The following FOXP4 variants were observed in gnomAD, a reference collection of about 807,000 sequenced individuals.
The protein encoded by FOXP4 is forkhead box P4, also known as forkhead box protein P4.
In FOXP4, 25 loss-of-function variants were observed where a neutral mutation model predicts 82.6. The ratio of observed to expected loss-of-function variants is 0.30; its 90% CI spans 0.22 to 0.42. FOXP4 has a LOEUF of 0.42. Among genes scored for constraint, FOXP4 ranks in the 10% least tolerant of loss-of-function variants. The pLI is 1.00. For synonymous variants in FOXP4, 415 were observed against 388.2 expected, an observed-to-expected ratio of 1.07 and a Z score of -0.81; for missense variants, 785 against 900.9, an observed-to-expected ratio of 0.87 and a Z score of 1.65.
At chr6:41,561,026 G>A (rs571198484) in intron 1 of FOXP4, among the ~76,000 whole-genome samples, 2 of 152,336 alleles carry the variant, frequency 1.3e-5, no homozygotes, top group Admixed American at 6.5e-5. Flanking sequence ...TTCCAAGGGC[G>A]TCCCTCGTTG....
In FOXP4 at chr6:41,601,818, G is replaced by A. The variant is rs1053732478; in HGVS notation, c.*2882G>A. 3.3e-5 allele frequency: 5 copies of A among 152,340 alleles called. No homozygotes were observed. Among genetic ancestry groups the A allele is most frequent in the African/African-American group, 9.6e-5 (4 of 41,554 alleles). The allele number at this position is 152,340 out of a possible 1,614,324, so 9.4% of individuals were successfully genotyped here. On this transcript the variant is annotated 3_prime_UTR_variant, in exon 17 of 17. Transcript: ENST00000307972. ...ACCTTCTGGACACTCCCTCCTTGAG[G>A]GCAGAAAGGAGTCCCAGGCCTGTCC... is the stretch of plus-strand genomic sequence containing the variant.
intron 9 of FOXP4, among the ~76,000 whole-genome samples, chr6:41,589,003 G>T (rs1427617358): frequency 3.3e-5 from 5 of 152,196 alleles, no homozygotes; most frequent in African/African-American, 1.2e-4. Context: ...ATTATTAGCA[G>T]CTAACATATG....
chr6:41,570,319 T>C, intron 2 of FOXP4: 1 of 471,106 alleles, frequency 2.1e-6, no homozygotes, highest in Non-Finnish European at 4.4e-6. Flanking sequence ...GAGGGGAGGC[T>C]TACGGACATC....
chr6:41,597,759 G>A (rs1055088855), intron 15 of FOXP4, 22 bp from the exon 16 acceptor site: 1 of 1,601,726 alleles, frequency 6.2e-7, no homozygotes, highest in Non-Finnish European at 8.5e-7. Flanking sequence ...CACTGACGAG[G>A]CCCAACCCTG....
In FOXP4 at chr6:41,587,337, G is replaced by A. The variant is rs1254551102; in HGVS notation, c.697G>A (p.Gly233Ser). Residue 233 changes from glycine to serine, a missense_variant, in exon 7 of 17, where the codon GGC (glycine) becomes AGC (serine). By Grantham distance (56) the Gly-to-Ser change is moderately conservative. Transcript: ENST00000307972. The part of the protein sequence containing the change: ...CPTDLPQLWK[G>S]EGAPGQPAED... ...AACAGACCTGCCCCAGCTGTGGAAG[G>A]GCGAGGGTGCCCCCGGGCAGCCTGC... The A allele has an allele frequency of 1.9e-6, 3 of 1,612,244 alleles. No individual in the cohort carries two copies. In the African/African-American group the frequency reaches 4.0e-5, roughly 22 times the overall value.
intron 13 of FOXP4, 146 bp from the exon 14 acceptor site, chr6:41,594,724 C>A: frequency 7.9e-7 from 1 of 1,265,446 alleles, no homozygotes; most frequent in Non-Finnish European, 1.1e-6. Flanking sequence ...GGCTGGGTCT[C>A]CTCCCAGCCC....
chr6:41,583,655 T>C (rs758759783), intron 3 of FOXP4, among the ~76,000 whole-genome samples: 1 of 152,158 alleles, frequency 6.6e-6, no homozygotes, highest in Non-Finnish European at 1.5e-5. Flanking sequence ...GAGTCCTGTA[T>C]GCATGGGGTC....
In FOXP4 at chr6:41,599,149, A is replaced by G. The variant is rs1767071167; in HGVS notation, c.*213A>G. On this transcript the variant is annotated 3_prime_UTR_variant, in exon 17 of 17. Transcript: ENST00000307972. ...CCAGGGACACAACCCCTGGTCTTGG[A>G]CCAGTAGAGGACACGGAGGGTTCAG... 2 of 602,888 alleles carry G rather than the reference A, an allele frequency of 3.3e-6. No individual in the cohort carries two copies. The highest frequency in any genetic ancestry group is 3.4e-5 in the Admixed American group (1 of 29,644). The allele number at this position is 602,888 out of a possible 1,614,324, so 37.3% of individuals were successfully genotyped here. A position where few individuals can be genotyped will look rare whatever the true frequency, so the allele number is the denominator to read the frequency against.
Position 41,591,350 on chromosome 6 carries a change from GC to G in FOXP4, c.1536+32del. 1 of 1,551,870 alleles carries G rather than the reference GC, an allele frequency of 6.4e-7. No homozygotes were observed. Among genetic ancestry groups the G allele is most frequent in the Non-Finnish European group, 8.8e-7 (1 of 1,141,408 alleles). On this transcript the variant is annotated intron_variant, in intron 13 of 16. Transcript: ENST00000307972. This position sits in a 1 kb window ranked among gnomAD's most constrained non-coding sequence, Gnocchi z 4.2. ...GAAGCAGGCCCCTTCCACCTTCTGGGCCCCAGTCACCCTTGGACCTGCCATA... is the reference window on the plus strand; with the variant it reads ...GAAGCAGGCCCCTTCCACCTTCTGGGCCCAGTCACCCTTGGACCTGCCATA...
At chr6:41,568,241 G>C (rs1021583182) in intron 2 of FOXP4, among the ~76,000 whole-genome samples, 1 of 152,190 alleles carries the variant, frequency 6.6e-6, no homozygotes, top group Non-Finnish European at 1.5e-5. Context: ...ACAAACCAAT[G>C]CCTTTCGTCT....
At chr6:41,548,729 C>G (rs1436797861) in intron 1 of FOXP4, 1 of 152,326 alleles carries the variant, frequency 6.6e-6, no homozygotes, top group Non-Finnish European at 1.5e-5. Flanking sequence ...GGCCGAAGGC[C>G]AGGCCCAGTG....
Position 41,565,889 on chromosome 6 carries a change from C to T in FOXP4, c.129C>T (p.Gly43=). ...CAGGGACAACTGCAAGTGGCACGGG[C>T]AGGGAAGTGACCACGGGTGCAGACA... ...GATGTTASGT[G]REVTTGADSN... The change falls in exon 2 of 17, where the codon GGC becomes GGT. Residue 43 remains glycine, a synonymous_variant. Coordinates refer to ENST00000307972, the MANE Select transcript of FOXP4 (RefSeq NM_001012426.2). 1.9e-6 allele frequency: 3 copies of T among 1,613,988 alleles called. No individual in the cohort carries two copies. The South Asian group carries it at 3.3e-5, about 18-fold the overall frequency.
At chr6:41,571,294 C>T (rs770753284) in intron 2 of FOXP4, among the ~76,000 whole-genome samples, 1 of 152,244 alleles carries the variant, frequency 6.6e-6, no homozygotes, top group Admixed American at 6.5e-5. Flanking sequence ...TGCATCATTG[C>T]TAGAAGCAGG....
chr6:41,585,661 G>A, intron 5 of FOXP4, 144 bp downstream of exon 5: 1 of 710,154 alleles, frequency 1.4e-6, no homozygotes, highest in Non-Finnish European at 2.4e-6. Flanking sequence ...ATCAGTGTGG[G>A]GGAAATGGGG....
chr6:41,570,371 C>T, intron 2 of FOXP4: 1 of 471,230 alleles, frequency 2.1e-6, no homozygotes, highest in South Asian at 1.5e-5. Context: ...TCAGAAACTG[C>T]CCTTTCCTCC....
At chr6:41,583,710 C>G (rs914644881) in intron 3 of FOXP4, among the ~76,000 whole-genome samples, 3 of 152,222 alleles carry the variant, frequency 2.0e-5, no homozygotes, top group Non-Finnish European at 4.4e-5. Context: ...AGCACCTGTC[C>G]TGCTAATACA....
rs746374729 is a variant in FOXP4 at position 41,578,021 on chromosome 6, G to A, written c.240G>A (p.Gln80=). The stretch of plus-strand genomic sequence containing the variant: ...TGGCCCGGCAGTTCCTGCTGCAGCA[G>A]GCCTCAGGCCTGAGCTCCCCAGGGA... The part of the protein sequence containing the change: ...LQVARQFLLQ[Q]ASGLSSPGNN... Residue 80 remains glutamine, a synonymous_variant, in exon 3 of 17, where the codon CAG becomes CAA. Coordinates refer to ENST00000307972, the MANE Select transcript of FOXP4 (RefSeq NM_001012426.2). 37 of 1,613,288 alleles carry A rather than the reference G, an allele frequency of 2.3e-5. 1 individual carries two copies. Among genetic ancestry groups the A allele is most frequent in the Non-Finnish European group, 2.5e-5 (30 of 1,179,998 alleles).
chr6:41,597,313 A>C, intron 15 of FOXP4, 71 bp downstream of exon 15: 9 of 1,488,678 alleles, frequency 6.0e-6, no homozygotes, highest in Non-Finnish European at 8.4e-6. Flanking sequence ...AGAGACCCCC[A>C]TCCTCCCCTG....
chr6:41,548,178 A>G (rs1158516621), intron 1 of FOXP4, among the ~76,000 whole-genome samples: 1 of 151,568 alleles, frequency 6.6e-6, no homozygotes, highest in Non-Finnish European at 1.5e-5. Context: ...TTCCTCGCTC[A>G]CTCGGCGCCT....
Sources: allele counts gnomAD v4.1 joint callset (sites outside exome capture counted in the v4.1 genomes callset), GRCh38; gene constraint gnomAD v4.1.1; non-coding constraint Gnocchi (gnomAD v3.1); transcripts MANE v1.5; gene names NCBI Gene and HGNC (gene_info 2026-07-23, HGNC 2026-07-21).